Variants in MGAT4C observed in about 807,000 individuals in gnomAD.
The protein encoded by MGAT4C is alpha-1,3-mannosyl-glycoprotein 4-beta-N-acetylglucosaminyltransferase C.
Under a neutral mutation model 40.1 loss-of-function variants are expected in MGAT4C, and 19 were observed. The observed-to-expected ratio is 0.47, with a 90% CI of 0.33 to 0.70. The LOEUF is 0.70. Ranked by LOEUF, MGAT4C falls within the 30% of genes least tolerant of loss-of-function variation. MGAT4C has a pLI of 0.02. For synonymous variants in MGAT4C, 181 were observed against 187.1 expected (o/e 0.97, Z 0.27); for missense variants, 491 against 563.2 (o/e 0.87, Z 1.30).
At chr12:86,070,857 C>G (rs1868346902) in intron 1 of MGAT4C, among the ~76,000 whole-genome samples, 1 of 151,904 alleles carries the variant, frequency 6.6e-6, no homozygotes, top group Non-Finnish European at 1.5e-5. Context: ...TTTGACCAAG[C>G]AAGAAGCAAA....
chr12:85,970,725 T>C lies in MGAT4C; in HGVS notation c.*8564A>G, dbSNP rs1883583666. On this transcript the variant is annotated 3_prime_UTR_variant, in exon 5 of 5. Coordinates refer to ENST00000611864, the MANE Select transcript of MGAT4C (RefSeq NM_001351288.2). ...GATATTATTTTGCTTTGAAGTCAAA[T>C]AGAGGAACCTTAAATAATTTAAATA... The C allele has an allele frequency of 6.6e-6, 1 of 151,302 alleles. No individual in the cohort carries two copies. Among genetic ancestry groups the C allele is most frequent in the Admixed American group, 6.6e-5 (1 of 15,168 alleles). 9.4% of individuals were successfully genotyped at this position (151,302 alleles called of 1,614,324 possible). A position where few individuals can be genotyped will look rare whatever the true frequency, so the allele number is the denominator to read the frequency against.
chr12:86,537,321 T>C (rs1045709212), intron 2 of MGAT4C, among the ~76,000 whole-genome samples: 1 of 151,864 alleles, frequency 6.6e-6, no homozygotes, highest in Non-Finnish European at 1.5e-5. Context: ...TGTATACATA[T>C]GTAACAAACC....
At chr12:86,686,874 C>G (rs1434640935) in intron 2 of MGAT4C, among the ~76,000 whole-genome samples, 2 of 152,206 alleles carry the variant, frequency 1.3e-5, no homozygotes, top group Non-Finnish European at 2.9e-5. Flanking sequence ...AGGAGTCCCT[C>G]TTTTTCTGTT....
At chr12:86,530,679 A>C (rs1958965642) in intron 2 of MGAT4C, among the ~76,000 whole-genome samples, 2 of 152,052 alleles carry the variant, frequency 1.3e-5, no homozygotes, top group Non-Finnish European at 2.9e-5. Flanking sequence ...CATGTTTCAA[A>C]AAGCAATATA....
chr12:86,188,264 T>C (rs769199611), intron 1 of MGAT4C, among the ~76,000 whole-genome samples: 1 of 151,992 alleles, frequency 6.6e-6, no homozygotes, highest in Non-Finnish European at 1.5e-5. Context: ...GTGGGAAAAA[T>C]AGAACTGGAA....
At position 85,979,798 on chromosome 12, in the gene MGAT4C, G is replaced by T; in HGVS notation, c.928C>A (p.Gln310Lys). Residue 310 changes from glutamine to lysine, a missense_variant, in exon 5 of 5, where the codon CAG (glutamine) becomes AAG (lysine). Physicochemically the swap from Gln to Lys is moderately conservative, Grantham distance 53 (BLOSUM62 1). Coordinates refer to ENST00000611864, the MANE Select transcript of MGAT4C (RefSeq NM_001351288.2). The part of the protein sequence containing the change: ...NVIRFKPSLF[Q>K]HMGYYSSYKG... Reference sequence around the variant, plus strand: ...TATGATGAATAATAGCCCATGTGCTGAAAGAGAGATGGTTTAAAACGGATC... The same window carrying T: ...TATGATGAATAATAGCCCATGTGCTTAAAGAGAGATGGTTTAAAACGGATC... 1 of 1,613,654 alleles carries T rather than the reference G, an allele frequency of 6.2e-7. No homozygotes were observed. Among genetic ancestry groups the T allele is most frequent in the Non-Finnish European group, 8.5e-7 (1 of 1,179,800 alleles).
At chr12:86,054,532 AT>A (rs1893203644) in intron 1 of MGAT4C, among the ~76,000 whole-genome samples, 1 of 152,040 alleles carries the variant, frequency 6.6e-6, no homozygotes, top group African/African-American at 2.4e-5. Flanking sequence ...ACTATAGTTA[AT>A]AACAGCATAT....
intron 1 of MGAT4C, among the ~76,000 whole-genome samples, chr12:86,806,130 C>T (rs1952348246): frequency 6.6e-6 from 1 of 151,460 alleles, no homozygotes; most frequent in African/African-American, 2.4e-5. Context: ...TATTCATTTT[C>T]TTATTTTTAT....
chr12:86,499,251 G>C (rs1376387186), intron 2 of MGAT4C, among the ~76,000 whole-genome samples: 6 of 151,336 alleles, frequency 4.0e-5, no homozygotes, highest in Admixed American at 6.6e-5. Flanking sequence ...GATGTTAAAG[G>C]CTCAACTATA....
intron 1 of MGAT4C, among the ~76,000 whole-genome samples, chr12:86,831,439 TCTG>T (rs1952926217): frequency 6.6e-6 from 1 of 151,682 alleles, no homozygotes. Flanking sequence ...AGACTAAAAA[TCTG>T]CTTTTCAATC....
At chr12:86,775,713 A>G (rs907637879) in intron 1 of MGAT4C, among the ~76,000 whole-genome samples, 2 of 151,778 alleles carry the variant, frequency 1.3e-5, no homozygotes, top group Non-Finnish European at 2.9e-5. Flanking sequence ...GTAACCTTTG[A>G]AAGAAAAAGG....
At chr12:86,620,197 T>G (rs1168880212) in intron 2 of MGAT4C, among the ~76,000 whole-genome samples, 1 of 152,116 alleles carries the variant, frequency 6.6e-6, no homozygotes, top group Non-Finnish European at 1.5e-5. Context: ...GATCTGGAAA[T>G]CCCACTGCTG....
chr12:86,345,394 T>TA lies in MGAT4C; in HGVS notation c.-119-11268dup, dbSNP rs546584172. On this transcript the variant is annotated intron_variant, in intron 3 of 7. Transcript: ENST00000548651. Reference sequence around the variant, plus strand: ...TACCCATTAACTCGTCATTTAGCATTAGGTACATCTCCTAATGCTATCCCT... The same window carrying TA: ...TACCCATTAACTCGTCATTTAGCATTAAGGTACATCTCCTAATGCTATCCCT... 3.0e-3 allele frequency among the ~76,000 whole-genome samples: 453 copies of TA among 152,214 alleles called. 2 individuals are homozygous for TA. The highest frequency in any genetic ancestry group is 0.01 in the African/African-American group (432 of 41,516).
At chr12:86,526,303 G>A (rs927659005) in intron 2 of MGAT4C, among the ~76,000 whole-genome samples, 6 of 152,168 alleles carry the variant, frequency 3.9e-5, no homozygotes, top group East Asian at 2.0e-4. Flanking sequence ...GAGGGTTGGC[G>A]GGGAGTAAAC....
chr12:86,348,868 C>A (rs1181090132), intron 3 of MGAT4C, among the ~76,000 whole-genome samples: 1 of 151,942 alleles, frequency 6.6e-6, no homozygotes, highest in East Asian at 1.9e-4. Context: ...TTTCCTCAAT[C>A]TGGGAAATTA....
At chr12:86,505,968 G>A (rs1391752570) in intron 2 of MGAT4C, among the ~76,000 whole-genome samples, 2 of 152,108 alleles carry the variant, frequency 1.3e-5, no homozygotes, top group Admixed American at 6.6e-5. Context: ...TCCTAATAAT[G>A]ACACATCCAA....
At chr12:86,394,545 A>G (rs192953229) in intron 3 of MGAT4C, among the ~76,000 whole-genome samples, 1 of 144,506 alleles carries the variant, frequency 6.9e-6, no homozygotes, top group East Asian at 2.0e-4. Flanking sequence ...ACATATATTT[A>G]TATATATTTA....
chr12:86,226,615 A>T (rs1593285982), intron 1 of MGAT4C, among the ~76,000 whole-genome samples: 1 of 151,912 alleles, frequency 6.6e-6, no homozygotes, highest in Non-Finnish European at 1.5e-5. Context: ...CCGCAACCCA[A>T]ATGATGAAAT....
At chr12:86,811,818 T>C (rs1184264304) in intron 1 of MGAT4C, among the ~76,000 whole-genome samples, 6 of 115,370 alleles carry the variant, frequency 5.2e-5, no homozygotes, top group Admixed American at 3.8e-4. Context: ...ATTTTATTGA[T>C]TTTTGCTCTG....
Sources: allele counts gnomAD v4.1 joint callset (sites outside exome capture counted in the v4.1 genomes callset), GRCh38; gene constraint gnomAD v4.1.1; transcripts MANE v1.5; gene names NCBI Gene and HGNC (gene_info 2026-07-23, HGNC 2026-07-21).